KIRREL3: variants seen among roughly 807,000 people sequenced by gnomAD.
KIRREL3 encodes kin of IRRE-like protein 3.
A neutral mutation model predicts 89.7 loss-of-function variants in KIRREL3; 36 were observed. The observed-to-expected ratio is 0.40, with a 90% CI of 0.31 to 0.53. The LOEUF is 0.53. Ranked by LOEUF, KIRREL3 falls within the 20% of genes least tolerant of loss-of-function variation. The pLI, the probability that KIRREL3 is intolerant of heterozygous loss-of-function variation, is 0.49. For synonymous variants in KIRREL3, 445 were observed against 441.4 expected, an observed-to-expected ratio of 1.01 and a Z score of -0.10; for missense variants, 864 against 1,056.6, an observed-to-expected ratio of 0.82 and a Z score of 2.53.
rs56695003 is a variant in KIRREL3 at position 126,999,149 on chromosome 11, AGTGTGT to A, written c.55+1300_55+1305del. The stretch of plus-strand genomic sequence containing the variant: ...AAGCACACAACCATATGAATACATG[AGTGTGT>A]GTGTGTGTGTGTGTGTACATACATT... On this transcript the variant is annotated intron_variant, in intron 1 of 16. Transcript: ENST00000525144. The surrounding 1 kb of genome is among the most constrained non-coding windows in gnomAD (Gnocchi z 5.7). Among the ~76,000 whole-genome samples, 19 of 141,348 alleles carry A rather than the reference AGTGTGT, an allele frequency of 1.3e-4. No individual in the cohort carries two copies. In the East Asian group the frequency reaches 2.3e-3, roughly 17 times the overall value. 92.7% of individuals were successfully genotyped at this position (141,348 alleles called of 152,430 possible).
rs1949069129 is a variant in KIRREL3, at chr11:126,744,212, C to T, written c.56-181300G>A. Among the ~76,000 whole-genome samples, 2 of 150,868 alleles carry T rather than the reference C, an allele frequency of 1.3e-5. No homozygotes were observed. The highest frequency in any genetic ancestry group is 4.9e-5 in the African/African-American group (2 of 41,078). On this transcript the variant is annotated intron_variant, in intron 1 of 16. Transcript: ENST00000525144. The surrounding 1 kb of genome is among the most constrained non-coding windows in gnomAD (Gnocchi z 4.7). ...GGTGCCAGTCAAGGGACAAAATGGACATTGGTTTGTCTTCTGAAACACACA... is the reference window on the plus strand; with the variant it reads ...GGTGCCAGTCAAGGGACAAAATGGATATTGGTTTGTCTTCTGAAACACACA...
chr11:126,952,204 AGT>A lies in KIRREL3; in HGVS notation c.55+48249_55+48250del, dbSNP rs528238827. Among the ~76,000 whole-genome samples, 149 of 152,268 alleles carry A rather than the reference AGT, an allele frequency of 9.8e-4. No homozygotes were observed. The Middle Eastern group carries it at 0.01, about 10-fold the overall frequency. On this transcript the variant is annotated intron_variant, in intron 1 of 16. Transcript: ENST00000525144. ...AGTTCGAGAGCAGCCTGGCCTACAC[AGT>A]GAGACCCTGTCTCTACCAAAAATAC...
At chr11:126,482,807 G>A (rs1203908187) in intron 4 of KIRREL3, among the ~76,000 whole-genome samples, 1 of 152,178 alleles carries the variant, frequency 6.6e-6, no homozygotes, top group Admixed American at 6.5e-5. Context: ...CCCACATTCT[G>A]TGCCAACTGA....
rs1436973402 is a variant in KIRREL3 at position 126,429,826 on chromosome 11, T to C, written c.1697-538A>G. Among the ~76,000 whole-genome samples the C allele has an allele frequency of 6.6e-6, 1 of 152,218 alleles. No homozygotes were observed. Among genetic ancestry groups the C allele is most frequent in the African/African-American group, 2.4e-5 (1 of 41,450 alleles). On this transcript the variant is annotated intron_variant, in intron 14 of 16. Transcript: ENST00000525144. This position sits in a 1 kb window ranked among gnomAD's most constrained non-coding sequence, Gnocchi z 5.2. ...ACTTCTGCAGGAGGCAGGCTGTTTC[T>C]AGTTGGAGAGCTCTGTTAGAAAATT...
intron 1 of KIRREL3, among the ~76,000 whole-genome samples, chr11:126,659,982 G>A (rs1945319702): frequency 6.6e-6 from 1 of 152,212 alleles, no homozygotes; most frequent in Admixed American, 6.5e-5. Context: ...CACCCTCTAG[G>A]TGGCATTCTG....
rs1484179607 is a variant in KIRREL3, at chr11:126,636,569, T to C, written c.56-73657A>G. ...TCTGCCCCTCATCCTGCCCCCCAGA[T>C]CTCACTGCTCTCTGAGTCTTACCTT... On this transcript the variant is annotated intron_variant, in intron 1 of 16. Coordinates refer to ENST00000525144, the MANE Select transcript of KIRREL3 (RefSeq NM_032531.4). The surrounding 1 kb of genome is among the most constrained non-coding windows in gnomAD (Gnocchi z 4.4). 6.6e-6 allele frequency among the ~76,000 whole-genome samples: 1 copy of C among 152,204 alleles called. No individual in the cohort carries two copies. The highest frequency in any genetic ancestry group is 1.5e-5 in the Non-Finnish European group (1 of 68,032).
intron 1 of KIRREL3, among the ~76,000 whole-genome samples, chr11:126,688,652 TA>T (rs1370792805): frequency 1.3e-5 from 2 of 152,170 alleles, no homozygotes; most frequent in Non-Finnish European, 2.9e-5. Context: ...AATTAAACAA[TA>T]AAAGGAGGAA....
At chr11:126,493,259 T>C (rs893797361) in intron 4 of KIRREL3, among the ~76,000 whole-genome samples, 2 of 152,050 alleles carry the variant, frequency 1.3e-5, no homozygotes, top group Admixed American at 6.5e-5. Context: ...CGGTGGCTCA[T>C]GCCTGTAATC....
chr11:126,590,367 C>T (rs966917229), intron 1 of KIRREL3, among the ~76,000 whole-genome samples: 3 of 152,200 alleles, frequency 2.0e-5, no homozygotes, highest in Non-Finnish European at 4.4e-5. Context: ...CTCCCAGAGT[C>T]GACTCCTATG....
chr11:126,866,656 C>T (rs1011214438), intron 1 of KIRREL3, among the ~76,000 whole-genome samples: 1 of 151,844 alleles, frequency 6.6e-6, no homozygotes, highest in African/African-American at 2.4e-5. Context: ...ACTGCCCCCC[C>T]ACACACACTG....
chr11:126,832,489 G>A (rs188683414), intron 1 of KIRREL3, among the ~76,000 whole-genome samples: 18 of 152,298 alleles, frequency 1.2e-4, no homozygotes, highest in Non-Finnish European at 2.1e-4. Context: ...AGACTATCGT[G>A]AGGAAAGCTT....
At chr11:126,730,929 T>C (rs1029794156) in intron 1 of KIRREL3, among the ~76,000 whole-genome samples, 2 of 152,038 alleles carry the variant, frequency 1.3e-5, no homozygotes, top group Non-Finnish European at 2.9e-5. Flanking sequence ...TTAGTAGAGA[T>C]GGGGTTTCAC....
rs1487541258 is a variant in KIRREL3 at position 126,805,953 on chromosome 11, G to C, written c.55+194502C>G. ...TCTCCCTTGGCTGTCCTCTGAATGT[G>C]CCTGTGCCCCCAAATCCTCCCTTCA... On this transcript the variant is annotated intron_variant, in intron 1 of 16. Transcript: ENST00000525144. This position sits in a 1 kb window ranked among gnomAD's most constrained non-coding sequence, Gnocchi z 4.3. 6.6e-6 allele frequency among the ~76,000 whole-genome samples: 1 copy of C among 152,112 alleles called. No homozygotes were observed. Among genetic ancestry groups the C allele is most frequent in the Non-Finnish European group, 1.5e-5 (1 of 68,032 alleles).
intron 1 of KIRREL3, among the ~76,000 whole-genome samples, chr11:126,984,236 C>G (rs1591425268): frequency 6.6e-6 from 1 of 152,326 alleles, no homozygotes; most frequent in East Asian, 1.9e-4. Flanking sequence ...GGTATTCTCT[C>G]TGGAGATTCA....
chr11:126,660,077 T>C (rs1430945983), intron 1 of KIRREL3, among the ~76,000 whole-genome samples: 1 of 152,112 alleles, frequency 6.6e-6, no homozygotes, highest in East Asian at 1.9e-4. Flanking sequence ...AGACCTCCAA[T>C]AGCCCTGCTA....
At chr11:126,633,445 T>C in intron 1 of KIRREL3, among the ~76,000 whole-genome samples, 1 of 152,190 alleles carries the variant, frequency 6.6e-6, no homozygotes, top group African/African-American at 2.4e-5. Context: ...CTGTCATGAA[T>C]GGCTTGGTGT....
chr11:126,881,200 C>T (rs904435953), intron 1 of KIRREL3, among the ~76,000 whole-genome samples: 1 of 152,214 alleles, frequency 6.6e-6, no homozygotes, highest in African/African-American at 2.4e-5. Flanking sequence ...CTTTTAGGAG[C>T]TGGAATGAAA....
chr11:126,721,525 G>T (rs207472476), intron 1 of KIRREL3, among the ~76,000 whole-genome samples: 1 of 60,062 alleles, frequency 1.7e-5, no homozygotes, highest in African/African-American at 5.9e-5. Context: ...GTAAAACTCC[G>T]TCTCAAAAAA....
intron 1 of KIRREL3, among the ~76,000 whole-genome samples, chr11:126,738,873 A>G (rs1948889711): frequency 6.6e-6 from 1 of 152,222 alleles, no homozygotes; most frequent in South Asian, 2.1e-4. Context: ...ACACCAGACA[A>G]TCCTCACAGG....
Sources: allele counts gnomAD v4.1 joint callset (sites outside exome capture counted in the v4.1 genomes callset), GRCh38; gene constraint gnomAD v4.1.1; non-coding constraint Gnocchi (gnomAD v3.1); transcripts MANE v1.5; gene names NCBI Gene and HGNC (gene_info 2026-07-23, HGNC 2026-07-21).